Variants in SLC39A14 observed in about 807,000 individuals in gnomAD.
The protein encoded by SLC39A14 is solute carrier family 39 member 14.
A neutral mutation model predicts 45.5 loss-of-function variants in SLC39A14; 19 were observed. That is an observed-to-expected ratio of 0.42 (90% CI 0.29 to 0.61). SLC39A14 has a LOEUF of 0.61. Ranked by LOEUF, SLC39A14 falls within the 20% of genes least tolerant of loss-of-function variation. The probability of loss-of-function intolerance (pLI) is 0.22; values close to 1 mark genes in which losing one functional copy is unlikely to be tolerated. For missense variants in SLC39A14, 447 were observed against 616.5 expected (o/e 0.73, Z 2.91); for synonymous variants, 264 against 251.3 (o/e 1.05, Z -0.48).
rs544325885 is a variant in SLC39A14, at chr8:22,404,627, G to A, written c.-15-69G>A. 80 of 1,454,018 alleles carry A rather than the reference G, an allele frequency of 5.5e-5. 1 individual carries two copies. Among genetic ancestry groups the A allele is most frequent in the Middle Eastern group, 1.8e-4 (1 of 5,558 alleles). The allele number at this position is 1,454,018 out of a possible 1,614,324, so 90.1% of individuals were successfully genotyped here. Reference sequence around the variant, plus strand: ...AGTCTCAACATGTTCAGTGTGTGGCGGGCGGGCCTGGCGCAGTTGCCGGCA... The same window carrying A: ...AGTCTCAACATGTTCAGTGTGTGGCAGGCGGGCCTGGCGCAGTTGCCGGCA... On this transcript the variant is annotated intron_variant, in intron 1 of 8. Transcript: ENST00000381237.
At chr8:22,379,927 CA>C (rs35093772) in intron 1 of SLC39A14, among the ~76,000 whole-genome samples, 26,513 of 86,676 alleles carry the variant, frequency 0.31, 2,676 homozygotes, top group East Asian at 0.55. Context: ...GACTCCATCT[CA>C]AAAAAAAAAA....
At chr8:22,379,133 C>T (rs1386332173) in intron 1 of SLC39A14, among the ~76,000 whole-genome samples, 1 of 152,188 alleles carries the variant, frequency 6.6e-6, no homozygotes, top group Non-Finnish European at 1.5e-5. Flanking sequence ...ACGTGGCCTT[C>T]CCCTGTTGGT....
chr8:22,409,784 C>T (rs1174418466), intron 3 of SLC39A14, among the ~76,000 whole-genome samples: 6 of 152,132 alleles, frequency 3.9e-5, no homozygotes, highest in African/African-American at 1.2e-4. Flanking sequence ...TAGGCTTCTC[C>T]GCAGCATCTG....
At position 22,417,896 on chromosome 8, in the gene SLC39A14, A is replaced by G. The variant is rs1835985756; in HGVS notation, c.1332+61A>G. ...CTAAGGGGATGGATGTTAGGTAGGTAGTTTTTTTTTATTTTTATTTTTTTG... is the reference window on the plus strand; with the variant it reads ...CTAAGGGGATGGATGTTAGGTAGGTGGTTTTTTTTTATTTTTATTTTTTTG... On this transcript the variant is annotated intron_variant, in intron 8 of 8. Coordinates refer to ENST00000381237, the MANE Select transcript of SLC39A14 (RefSeq NM_001128431.4). 3.5e-6 allele frequency: 5 copies of G among 1,420,342 alleles called. No individual in the cohort carries two copies. In the South Asian group the frequency reaches 6.7e-5, roughly 19 times the overall value. The allele number at this position is 1,420,342 out of a possible 1,614,324, so 88.0% of individuals were successfully genotyped here.
At chr8:22,377,018 C>A (rs559729678) in intron 1 of SLC39A14, among the ~76,000 whole-genome samples, 3 of 152,236 alleles carry the variant, frequency 2.0e-5, no homozygotes, top group Non-Finnish European at 4.4e-5. Flanking sequence ...ATCTGTAGAC[C>A]CTGCTTGCAA....
chr8:22,415,003 T>A (rs1835789269), intron 5 of SLC39A14, 101 bp downstream of exon 5: 1 of 1,345,454 alleles, frequency 7.4e-7, no homozygotes, highest in Non-Finnish European at 1.0e-6. Flanking sequence ...CTTAGCCCAA[T>A]ATCACAATTT....
At chr8:22,368,525 T>TATTTTA (rs1371569680) in intron 1 of SLC39A14, among the ~76,000 whole-genome samples, 1 of 32,146 alleles carries the variant, frequency 3.1e-5, no homozygotes, top group African/African-American at 2.9e-4. Context: ...TATTTTATTT[T>TATTTTA]ATTTTATTTT....
intron 1 of SLC39A14, among the ~76,000 whole-genome samples, chr8:22,387,836 G>A (rs538257114): frequency 1.8e-4 from 28 of 152,282 alleles, no homozygotes; most frequent in Non-Finnish European, 3.1e-4. Flanking sequence ...ATTGGCTCAC[G>A]CCTGTAATCC....
rs373809603 is a variant in SLC39A14 at position 22,417,617 on chromosome 8, C to T, written c.1148-34C>T. On this transcript the variant is annotated intron_variant, in intron 7 of 8. Coordinates refer to ENST00000381237, the MANE Select transcript of SLC39A14 (RefSeq NM_001128431.4). Reference sequence around the variant, plus strand: ...ACCATGCCCATCTTACTCTTCCTTCCTCGTCCCTCCCCTTTTCATTCTCGC... The same window carrying T: ...ACCATGCCCATCTTACTCTTCCTTCTTCGTCCCTCCCCTTTTCATTCTCGC... 12 of 1,589,602 alleles carry T rather than the reference C, an allele frequency of 7.5e-6. No individual in the cohort carries two copies. In the South Asian group the frequency reaches 1.0e-4, roughly 13 times the overall value.
chr8:22,420,417 G>A lies in SLC39A14; in HGVS notation c.*719G>A, dbSNP rs1836160387. 1 of 985,434 alleles carries A rather than the reference G, an allele frequency of 1.0e-6. No individual in the cohort carries two copies. The highest frequency in any genetic ancestry group is 1.2e-6 in the Non-Finnish European group (1 of 829,946). 61.0% of individuals were successfully genotyped at this position (985,434 alleles called of 1,614,324 possible). On this transcript the variant is annotated 3_prime_UTR_variant, in exon 9 of 9. Transcript: ENST00000381237. ...GCTGTCCGAGTGAGCTAACGTGGCG[G>A]TGTGGCTGCCTGGACCTCCTCTTTC...
At chr8:22,376,940 C>T (rs1458910881) in intron 1 of SLC39A14, among the ~76,000 whole-genome samples, 7 of 152,156 alleles carry the variant, frequency 4.6e-5, no homozygotes, top group Non-Finnish European at 8.8e-5. Flanking sequence ...TTTGTAGTTT[C>T]AGGAGATACT....
intron 1 of SLC39A14, among the ~76,000 whole-genome samples, chr8:22,389,617 C>T (rs1407698760): frequency 6.6e-6 from 1 of 151,956 alleles, no homozygotes; most frequent in Non-Finnish European, 1.5e-5. Context: ...TTGACGTGAG[C>T]AGAACACAAA....
intron 1 of SLC39A14, among the ~76,000 whole-genome samples, chr8:22,381,661 A>G (rs1833522622): frequency 6.6e-6 from 1 of 152,264 alleles, no homozygotes; most frequent in South Asian, 2.1e-4. Flanking sequence ...CTAAAAGCAG[A>G]AACTTTAAAA....
intron 8 of SLC39A14, among the ~76,000 whole-genome samples, chr8:22,430,489 G>C (rs1041015285): frequency 6.6e-6 from 1 of 152,174 alleles, no homozygotes; most frequent in Non-Finnish European, 1.5e-5. Flanking sequence ...TGTGTGGAAA[G>C]GCGTCCCTGA....
chr8:22,423,490 C>T (rs1364033405), downstream of SLC39A14, among the ~76,000 whole-genome samples: 2 of 152,130 alleles, frequency 1.3e-5, no homozygotes, highest in Non-Finnish European at 2.9e-5. Context: ...TGCCCGCCAC[C>T]ACGCCCAGCT....
downstream of SLC39A14, among the ~76,000 whole-genome samples, chr8:22,425,926 T>C (rs1836379809): frequency 6.6e-6 from 1 of 151,418 alleles, no homozygotes; most frequent in Non-Finnish European, 1.5e-5. Flanking sequence ...AGTTTTGCTC[T>C]TGTTGCCCAG....
At chr8:22,428,629 G>T (rs1836423562) in intron 8 of SLC39A14, among the ~76,000 whole-genome samples, 1 of 151,628 alleles carries the variant, frequency 6.6e-6, no homozygotes. Context: ...TTTTGGTAGA[G>T]ACAGGGTTTC....
Position 22,419,643 on chromosome 8 carries a change from G to A in SLC39A14, c.1424G>A (p.Gly475Glu). 1.2e-6 allele frequency: 2 copies of A among 1,614,132 alleles called. No homozygotes were observed. The highest frequency in any genetic ancestry group is 1.7e-6 in the Non-Finnish European group (2 of 1,180,000). The change falls in exon 9 of 9, where the codon GGA (glycine) becomes GAA (glutamate). Residue 475 changes from glycine to glutamate, a missense_variant. Around this residue, in one of 2 missense-constraint regions of SLC39A14, gnomAD observed 105 missense variants for 188.4 expected, o/e 0.56. Transcript: ENST00000381237. ...ATCCAGAACCTGGGCCTCCTGACTG[G>A]ATTCACCATCATGGTGGTCCTCACC... ...FIIQNLGLLT[G>E]FTIMVVLTMY...
downstream of SLC39A14, among the ~76,000 whole-genome samples, chr8:22,423,392 A>G (rs1288076958): frequency 3.4e-5 from 5 of 145,990 alleles, no homozygotes; most frequent in South Asian, 2.2e-4. Flanking sequence ...CTGGAGTGCA[A>G]TGGCACGATC....
Sources: gnomAD v4.1 joint callset for allele counts (sites outside exome capture counted in the v4.1 genomes callset) on GRCh38, gnomAD v4.1.1 for gene constraint, gnomAD v4.1.1 regional missense constraint, MANE v1.5 for transcripts, NCBI Gene and HGNC (gene_info 2026-07-23, HGNC 2026-07-21) for gene names.